Variants in LRBA observed in about 807,000 individuals in gnomAD.
LRBA encodes lipopolysaccharide-responsive and beige-like anchor protein.
In LRBA, 176 loss-of-function variants were observed where a neutral mutation model predicts 330.0. That is an observed-to-expected ratio of 0.53 (90% CI 0.47 to 0.60). The LOEUF is 0.60. Ranked by LOEUF, LRBA falls within the 20% of genes least tolerant of loss-of-function variation. The pLI is 0.00. For synonymous variants in LRBA, 1,230 were observed against 1,193.0 expected, an observed-to-expected ratio of 1.03 and a Z score of -0.64; for missense variants, 3,259 against 3,444.8, an observed-to-expected ratio of 0.95 and a Z score of 1.35.
chr4:150,364,478 G>A lies in LRBA; in HGVS notation c.7195-14319C>T, dbSNP rs182088379. Reference sequence around the variant, plus strand: ...AACCCAGATTTCTCTGACTCCTAAAGCCATATTAACCACAACACATCCTTT... The same window carrying A: ...AACCCAGATTTCTCTGACTCCTAAAACCATATTAACCACAACACATCCTTT... On this transcript the variant is annotated intron_variant, in intron 47 of 56. Coordinates refer to ENST00000651943, the MANE Select transcript of LRBA (RefSeq NM_001364905.1). Among the ~76,000 whole-genome samples, 161 of 145,744 alleles carry A rather than the reference G, an allele frequency of 1.1e-3. 4 individuals carry two copies. The highest frequency in any genetic ancestry group is 4.4e-3 in the African/African-American group (158 of 35,556).
At chr4:150,835,196 T>C (rs994178992) in intron 28 of LRBA, among the ~76,000 whole-genome samples, 7 of 152,364 alleles carry the variant, frequency 4.6e-5, no homozygotes, top group South Asian at 2.1e-4. Flanking sequence ...CATGCTGTTT[T>C]GGTTACTGTA....
chr4:150,572,736 C>A (rs77933322), intron 40 of LRBA, among the ~76,000 whole-genome samples: 47 of 152,192 alleles, frequency 3.1e-4, no homozygotes, highest in African/African-American at 1.0e-3. Flanking sequence ...AAAGGTTGGG[C>A]GATTTATTGA....
chr4:150,577,467 A>C (rs1463560475), intron 40 of LRBA, among the ~76,000 whole-genome samples: 1 of 151,918 alleles, frequency 6.6e-6, no homozygotes, highest in African/African-American at 2.4e-5. Flanking sequence ...TTAAGTATAT[A>C]AGAACTAAAA....
chr4:150,869,161 C>T (rs905748579), intron 20 of LRBA, among the ~76,000 whole-genome samples: 8 of 151,926 alleles, frequency 5.3e-5, no homozygotes, highest in Non-Finnish European at 1.2e-4. Context: ...CCTCGTGATC[C>T]ACCTGCCTTG....
intron 53 of LRBA, among the ~76,000 whole-genome samples, chr4:150,302,295 AAAC>A (rs1729777945): frequency 6.6e-6 from 1 of 152,202 alleles, no homozygotes; most frequent in Non-Finnish European, 1.5e-5. Context: ...TGAATTCAAT[AAAC>A]AAGGTAATAT....
In LRBA at chr4:150,852,346, C is replaced by G; in HGVS notation, c.3364G>C (p.Glu1122Gln). ...TGGAGCTCTGTGGGTAGATTAGCTT[C>G]CTCAGTAGGACTGCCTTCTACTTTC... is the stretch of plus-strand genomic sequence containing the variant. ...ELKVEGSPTEEANLPTELQDN... is the reference protein window; with the variant it reads ...ELKVEGSPTEQANLPTELQDN... Residue 1122 changes from glutamate to glutamine, a missense_variant, in exon 23 of 57, where the codon GAA becomes CAA. Physicochemically the swap from Glu to Gln is conservative, Grantham distance 29 (BLOSUM62 2). Coordinates refer to ENST00000651943, the MANE Select transcript of LRBA (RefSeq NM_001364905.1). The G allele has an allele frequency of 6.2e-7, 1 of 1,613,906 alleles. No homozygotes were observed. The highest frequency in any genetic ancestry group is 8.5e-7 in the Non-Finnish European group (1 of 1,179,992).
In LRBA at chr4:150,681,158, G is replaced by C. The variant is rs143039077; in HGVS notation, c.5921+2393C>G. ...TATTTCTTTTAGCAGGCTTAGCATA[G>C]TTAAATGCATTACAGCTACAGTATG... On this transcript the variant is annotated intron_variant, in intron 37 of 56. Transcript: ENST00000651943. 4.3e-3 allele frequency among the ~76,000 whole-genome samples: 654 copies of C among 152,302 alleles called. 1 individual carries two copies. The highest frequency in any genetic ancestry group is 6.6e-3 in the Non-Finnish European group (448 of 68,016).
In LRBA at chr4:150,794,793, G is replaced by GT. The variant is rs547059435; in HGVS notation, c.5580+3287dup. Among the ~76,000 whole-genome samples, 20 of 152,204 alleles carry GT rather than the reference G, an allele frequency of 1.3e-4. No homozygotes were observed. In the South Asian group the frequency reaches 2.1e-3, roughly 16 times the overall value. On this transcript the variant is annotated intron_variant, in intron 34 of 56. Coordinates refer to ENST00000651943, the MANE Select transcript of LRBA (RefSeq NM_001364905.1). ...CAGTCCAGACTACATGGTGCTTCTA[G>GT]TTTTTCTATATACTGTATGCATTTC...
chr4:150,327,620 T>C (rs1448093620), intron 48 of LRBA, among the ~76,000 whole-genome samples: 2 of 152,234 alleles, frequency 1.3e-5, no homozygotes, highest in Admixed American at 6.5e-5. Context: ...ATCTGCTGTT[T>C]GACTTTAGGC....
chr4:150,445,860 G>C lies in LRBA; in HGVS notation c.6781-8996C>G, dbSNP rs563599789. ...TTTAGTTTTTTGTAGACCCAGGCTG[G>C]CCTTGAACTCCTGGCCTCAAACAAT... On this transcript the variant is annotated intron_variant, in intron 44 of 56. Coordinates refer to ENST00000651943, the MANE Select transcript of LRBA (RefSeq NM_001364905.1). Among the ~76,000 whole-genome samples, 4 of 152,102 alleles carry C rather than the reference G, an allele frequency of 2.6e-5. No homozygotes were observed. In the East Asian group the frequency reaches 7.8e-4, roughly 30 times the overall value.
At chr4:150,881,649 G>GTA (rs1728396881) in intron 17 of LRBA, among the ~76,000 whole-genome samples, 1 of 152,060 alleles carries the variant, frequency 6.6e-6, no homozygotes, top group South Asian at 2.1e-4. Flanking sequence ...ACCTGCACAT[G>GTA]TACCCCCTGA....
chr4:150,495,115 TACAG>T (rs757153094), intron 40 of LRBA, among the ~76,000 whole-genome samples: 28 of 152,326 alleles, frequency 1.8e-4, no homozygotes, highest in Admixed American at 7.2e-4. Flanking sequence ...ATAAATGCAT[TACAG>T]ACAGTGTTAA....
chr4:150,335,698 G>C (rs1291759636), intron 48 of LRBA, among the ~76,000 whole-genome samples: 9 of 151,888 alleles, frequency 5.9e-5, no homozygotes, highest in Admixed American at 5.3e-4. Flanking sequence ...AAATGTTTTT[G>C]TTTTTGTTTC....
chr4:150,932,781 T>C (rs1433580295), intron 2 of LRBA, among the ~76,000 whole-genome samples: 1 of 151,952 alleles, frequency 6.6e-6, no homozygotes, highest in East Asian at 1.9e-4. Flanking sequence ...CCAGGCGTGG[T>C]GGCAGACACC....
chr4:150,735,325 G>A lies in LRBA; in HGVS notation c.5687C>T (p.Ala1896Val). The change falls in exon 36 of 57, where the codon GCA becomes GTA. Residue 1896 changes from alanine (A) to valine (V), a missense_variant. By Grantham distance (64) the Ala-to-Val change is moderately conservative (BLOSUM62 0). Coordinates refer to ENST00000651943, the MANE Select transcript of LRBA (RefSeq NM_001364905.1). ...QTMKDHLVRVANEAEFILSRQ... is the reference protein window; with the variant it reads ...QTMKDHLVRVVNEAEFILSRQ... ...GCTCAGGATAAATTCAGCTTCATTT[G>A]CTACTCTTACTAGATGATCCTTCAT... The A allele has an allele frequency of 6.2e-7, 1 of 1,613,582 alleles. No homozygotes were observed. Among genetic ancestry groups the A allele is most frequent in the East Asian group, 2.2e-5 (1 of 44,858 alleles).
intron 36 of LRBA, among the ~76,000 whole-genome samples, chr4:150,694,515 A>C (rs1018181765): frequency 4.7e-5 from 7 of 147,648 alleles, no homozygotes; most frequent in African/African-American, 1.7e-4. Context: ...TAGAAAAGAC[A>C]GAAAAATGAA....
intron 53 of LRBA, among the ~76,000 whole-genome samples, chr4:150,289,856 T>TA (rs1310628371): frequency 6.6e-6 from 1 of 152,242 alleles, no homozygotes; most frequent in Non-Finnish European, 1.5e-5. Context: ...GATTTAAATC[T>TA]AACAGGTCAA....
At chr4:150,805,431 AGGAAAGGAAGGAAAG>A (rs1217316288) in intron 33 of LRBA, among the ~76,000 whole-genome samples, 12 of 115,470 alleles carry the variant, frequency 1.0e-4, no homozygotes, top group Non-Finnish European at 1.5e-4. Context: ...AGGAAAGGAA[AGGAAAGGAAGGAAAG>A]GGAAAGGAAA....
In LRBA at chr4:150,945,543, A is replaced by G. The variant is rs571114815; in HGVS notation, c.217-16478T>C. The stretch of plus-strand genomic sequence containing the variant: ...GTGAAACTGCAGTTTCAGCCTAGGT[A>G]GTTGCCAAAACATATTGCTTGGTTT... On this transcript the variant is annotated intron_variant, in intron 2 of 56. Transcript: ENST00000651943. 2.6e-5 allele frequency among the ~76,000 whole-genome samples: 4 copies of G among 152,346 alleles called. No individual in the cohort carries two copies. In the South Asian group the frequency reaches 8.3e-4, roughly 32 times the overall value.
Sources: gnomAD v4.1 joint callset for allele counts (sites outside exome capture counted in the v4.1 genomes callset) on GRCh38, gnomAD v4.1.1 for gene constraint, MANE v1.5 for transcripts, NCBI Gene and HGNC (gene_info 2026-07-23, HGNC 2026-07-21) for gene names.